Variants in GOLGA4 observed in about 807,000 individuals in gnomAD.
The protein encoded by GOLGA4 is golgin subfamily A member 4.
GOLGA4 carries 169 observed loss-of-function variants against 265.9 expected under a neutral mutation model. The ratio of observed to expected loss-of-function variants is 0.64; its 90% CI spans 0.56 to 0.72. The LOEUF (loss-of-function observed/expected upper bound fraction) is 0.72. GOLGA4 is among the 30% of genes least tolerant of loss of function. The pLI, the probability that GOLGA4 is intolerant of heterozygous loss-of-function variation, is 0.00. For synonymous variants in GOLGA4, 923 were observed against 855.8 expected (o/e 1.08, Z -1.37); for missense variants, 2,482 against 2,483.4 (o/e 1.00, Z 0.01).
intron 9 of GOLGA4, among the ~76,000 whole-genome samples, chr3:37,299,794 A>C (rs1359039297): frequency 6.6e-6 from 1 of 152,172 alleles, no homozygotes; most frequent in Non-Finnish European, 1.5e-5. Context: ...TCATGCCTTT[A>C]ATCTCAGCAC....
rs2097088193 is a variant in GOLGA4 at position 37,355,371 on chromosome 3, A to G, written c.6663+184A>G. Among the ~76,000 whole-genome samples, 3 of 152,160 alleles carry G rather than the reference A, an allele frequency of 2.0e-5. No individual in the cohort carries two copies. The South Asian group carries it at 6.2e-4, about 32-fold the overall frequency. ...TTTAACCAAGGGTAAATGTGAATGGATGCCCTCAAGGGAAGGAAGAGTCTA... is the reference window on the plus strand; with the variant it reads ...TTTAACCAAGGGTAAATGTGAATGGGTGCCCTCAAGGGAAGGAAGAGTCTA... On this transcript the variant is annotated intron_variant, in intron 22 of 23. Transcript: ENST00000361924.
intron 19 of GOLGA4, 38 bp from the exon 20 acceptor site, chr3:37,340,085 CT>C (rs1388746613): frequency 6.0e-6 from 5 of 829,754 alleles, no homozygotes; most frequent in Non-Finnish European, 1.0e-5. Flanking sequence ...TACAGTTTCC[CT>C]GTGAATCTTA....
intron 10 of GOLGA4, among the ~76,000 whole-genome samples, chr3:37,314,199 A>G (rs2096930846): frequency 1.3e-5 from 2 of 151,958 alleles, no homozygotes; most frequent in Non-Finnish European, 2.9e-5. Context: ...GACCTCAGGT[A>G]ATTCACCTAC....
chr3:37,266,451 C>G (rs564491130), intron 2 of GOLGA4, among the ~76,000 whole-genome samples: 2 of 152,262 alleles, frequency 1.3e-5, no homozygotes, highest in South Asian at 4.1e-4. Context: ...GCCCACCTCA[C>G]TCTCCCAAAG....
chr3:37,243,712 T>A (rs1167318804), intron 1 of GOLGA4, 90 bp downstream of exon 1: 6 of 1,089,706 alleles, frequency 5.5e-6, no homozygotes, highest in Non-Finnish European at 8.2e-6. Context: ...GGGAAGTTCT[T>A]CCGTGACCTT....
chr3:37,252,741 A>G (rs527914932), intron 2 of GOLGA4, among the ~76,000 whole-genome samples: 2 of 152,230 alleles, frequency 1.3e-5, no homozygotes, highest in South Asian at 4.1e-4. Context: ...GAGATTGAGC[A>G]TTTACATCTG....
chr3:37,335,759 T>C (rs1238893300), intron 17 of GOLGA4, among the ~76,000 whole-genome samples: 2 of 152,056 alleles, frequency 1.3e-5, no homozygotes, highest in Admixed American at 1.3e-4. Flanking sequence ...TTTTTTTTTT[T>C]TTTTTCTTTT....
chr3:37,362,611 A>G (rs1441351174), intron 23 of GOLGA4, among the ~76,000 whole-genome samples: 4 of 150,790 alleles, frequency 2.7e-5, no homozygotes, highest in Admixed American at 6.6e-5. Context: ...ATCATAGTTC[A>G]TTCCTGTGTC....
intron 17 of GOLGA4, among the ~76,000 whole-genome samples, chr3:37,335,528 T>A (rs763199973): frequency 2.0e-5 from 3 of 152,210 alleles, no homozygotes; most frequent in Non-Finnish European, 4.4e-5. Flanking sequence ...TGTGATACTT[T>A]TAGATTTTTG....
chr3:37,308,846 C>T (rs1323788873), intron 10 of GOLGA4, among the ~76,000 whole-genome samples: 1 of 152,006 alleles, frequency 6.6e-6, no homozygotes, highest in Non-Finnish European at 1.5e-5. Flanking sequence ...CAAACTCTGA[C>T]CTCGTGATCT....
In GOLGA4 at chr3:37,355,117, T is replaced by C. The variant is rs140235753; in HGVS notation, c.6593T>C (p.Ile2198Thr). ...GRETKTMAKVITTVLKFPDDQ... is the reference protein window; with the variant it reads ...GRETKTMAKVTTTVLKFPDDQ... ...TTCTTGTAGACCATGGCAAAAGTTA[T>C]AACCACCGTACTGAAGTTCCCTGAT... is the stretch of plus-strand genomic sequence containing the variant. The change falls in exon 22 of 24, where the codon ATA (isoleucine) becomes ACA (threonine). Residue 2198 changes from isoleucine (I) to threonine (T), a missense_variant. Transcript: ENST00000361924. 2 of 1,602,568 alleles carry C rather than the reference T, an allele frequency of 1.2e-6. No individual in the cohort carries two copies. The highest frequency in any genetic ancestry group is 1.3e-5 in the African/African-American group (1 of 74,652).
intron 10 of GOLGA4, among the ~76,000 whole-genome samples, chr3:37,305,954 A>G (rs764222728): frequency 6.6e-6 from 1 of 152,162 alleles, no homozygotes; most frequent in Non-Finnish European, 1.5e-5. Context: ...TTTTTTCTAG[A>G]TGAATTGTGG....
chr3:37,336,518 T>C (rs745346031), intron 17 of GOLGA4, among the ~76,000 whole-genome samples: 6 of 151,648 alleles, frequency 4.0e-5, no homozygotes, highest in Non-Finnish European at 7.4e-5. Context: ...CCCAGCACTT[T>C]GGGAGGCCGA....
At chr3:37,317,920 T>G (rs2096942504) in intron 11 of GOLGA4, among the ~76,000 whole-genome samples, 1 of 152,024 alleles carries the variant, frequency 6.6e-6, no homozygotes, top group South Asian at 2.1e-4. Context: ...GTAGAAAATT[T>G]TTTTTTTCCT....
intron 17 of GOLGA4, among the ~76,000 whole-genome samples, chr3:37,336,625 G>A (rs1198358474): frequency 3.3e-5 from 5 of 150,664 alleles, no homozygotes; most frequent in African/African-American, 1.2e-4. Flanking sequence ...AAAAAAATTA[G>A]CTGGGCATGG....
chr3:37,285,153 CTTTT>C (rs542285622), intron 3 of GOLGA4, among the ~76,000 whole-genome samples: 3 of 127,588 alleles, frequency 2.4e-5, no homozygotes. Context: ...AGATGAGTAA[CTTTT>C]TTTTTTTTTT....
At chr3:37,318,757 C>T (rs954450401) in intron 11 of GOLGA4, among the ~76,000 whole-genome samples, 4 of 152,134 alleles carry the variant, frequency 2.6e-5, no homozygotes, top group African/African-American at 7.2e-5. Context: ...CTGAGAGCAT[C>T]CTTATTCCCC....
chr3:37,306,499 CTCTG>C (rs1225529586), intron 10 of GOLGA4, among the ~76,000 whole-genome samples: 110 of 115,784 alleles, frequency 9.5e-4, no homozygotes, highest in Non-Finnish European at 1.7e-3. Flanking sequence ...CTTGGCTGTT[CTCTG>C]TGTGTGTGTG....
At chr3:37,342,064 C>T (rs1215322073) in intron 20 of GOLGA4, among the ~76,000 whole-genome samples, 6 of 151,960 alleles carry the variant, frequency 3.9e-5, no homozygotes, top group East Asian at 3.9e-4. Context: ...AAAATGAGGC[C>T]GGGTGGGGTG....
Sources: gnomAD v4.1 joint callset for allele counts (sites outside exome capture counted in the v4.1 genomes callset) on GRCh38, gnomAD v4.1.1 for gene constraint, MANE v1.5 for transcripts, NCBI Gene and HGNC (gene_info 2026-07-23, HGNC 2026-07-21) for gene names.